CA8: variants seen among roughly 807,000 people sequenced by gnomAD.
CA8 encodes the protein carbonic anhydrase-related protein.
A neutral mutation model predicts 41.4 loss-of-function variants in CA8; 22 were observed. The ratio of observed to expected loss-of-function variants is 0.53; its 90% confidence interval spans 0.38 to 0.76. The LOEUF is 0.76. Among genes scored for constraint, CA8 ranks in the 30% least tolerant of loss-of-function variants. CA8 has a pLI of 0.00. For synonymous variants in CA8, 121 were observed against 130.6 expected, an observed-to-expected ratio of 0.93 and a Z score of 0.50; for missense variants, 270 against 352.8, an observed-to-expected ratio of 0.77 and a Z score of 1.88.
At chr8:60,269,489 A>G (rs1014512358) in intron 2 of CA8, among the ~76,000 whole-genome samples, 8 of 152,220 alleles carry the variant, frequency 5.3e-5, no homozygotes, top group Non-Finnish European at 8.8e-5. Flanking sequence ...ATTTTCTTTA[A>G]TGCTCTTTAA....
chr8:60,215,613 A>G (rs1203628975), intron 7 of CA8, among the ~76,000 whole-genome samples: 1 of 152,206 alleles, frequency 6.6e-6, no homozygotes, highest in African/African-American at 2.4e-5. Flanking sequence ...ATTTTTAAAA[A>G]AGAAATATAT....
chr8:60,197,596 T>C (rs1187128117), intron 8 of CA8, among the ~76,000 whole-genome samples: 1 of 152,184 alleles, frequency 6.6e-6, no homozygotes, highest in Admixed American at 6.5e-5. Context: ...GGAATCTGAA[T>C]GAAACCTGAG....
intron 8 of CA8, among the ~76,000 whole-genome samples, chr8:60,197,041 A>G (rs557742046): frequency 6.6e-6 from 1 of 152,166 alleles, no homozygotes; most frequent in Admixed American, 6.6e-5. Flanking sequence ...GAAGGTGAAA[A>G]GTGTAATCTG....
At chr8:60,269,648 C>T (rs575412966) in intron 2 of CA8, among the ~76,000 whole-genome samples, 1 of 152,240 alleles carries the variant, frequency 6.6e-6, no homozygotes, top group Admixed American at 6.5e-5. Context: ...ACAAATTTAC[C>T]AGATAATTCA....
At chr8:60,206,806 G>T (rs62511577) in intron 8 of CA8, among the ~76,000 whole-genome samples, 6,241 of 152,096 alleles carry the variant, frequency 0.041, 188 homozygotes, top group South Asian at 0.12. Context: ...GTGTGCTTAG[G>T]ATTTCATCCC....
intron 2 of CA8, among the ~76,000 whole-genome samples, chr8:60,276,389 C>T (rs1804237295): frequency 6.6e-6 from 1 of 152,124 alleles, no homozygotes; most frequent in Admixed American, 6.5e-5. Context: ...GGAAGACAAC[C>T]TGATGCACGC....
chr8:60,271,209 T>C (rs1160497434), intron 2 of CA8, among the ~76,000 whole-genome samples: 3 of 151,956 alleles, frequency 2.0e-5, no homozygotes, highest in Non-Finnish European at 4.4e-5. Context: ...CTGGGCATGG[T>C]GGCAGGCCTG....
intron 7 of CA8, among the ~76,000 whole-genome samples, chr8:60,221,833 G>A (rs1370396562): frequency 6.6e-6 from 1 of 152,112 alleles, no homozygotes; most frequent in Non-Finnish European, 1.5e-5. Flanking sequence ...GCTTTACTGA[G>A]AAGTTAGTGA....
intron 8 of CA8, among the ~76,000 whole-genome samples, chr8:60,192,244 A>C (rs1448510987): frequency 6.6e-6 from 1 of 152,102 alleles, no homozygotes; most frequent in East Asian, 1.9e-4. Context: ...ATGGATTTGG[A>C]ATGAGGGAGA....
intron 3 of CA8, among the ~76,000 whole-genome samples, chr8:60,238,543 C>G (rs566442018): frequency 6.6e-6 from 1 of 152,106 alleles, no homozygotes; most frequent in Non-Finnish European, 1.5e-5. Context: ...AGAACTCCCC[C>G]TCCTGCCCCG....
chr8:60,202,089 G>A (rs1440591210), intron 8 of CA8, among the ~76,000 whole-genome samples: 1 of 151,430 alleles, frequency 6.6e-6, no homozygotes, highest in Non-Finnish European at 1.5e-5. Flanking sequence ...TGTCGCCCAG[G>A]TTGGAGTGCA....
chr8:60,235,695 G>T (rs778735032), intron 3 of CA8, among the ~76,000 whole-genome samples: 1 of 152,214 alleles, frequency 6.6e-6, no homozygotes, highest in African/African-American at 2.4e-5. Flanking sequence ...AGGACTAACA[G>T]TACCTTAGTG....
At chr8:60,242,335 A>G (rs1007449358) in intron 3 of CA8, among the ~76,000 whole-genome samples, 4 of 152,142 alleles carry the variant, frequency 2.6e-5, no homozygotes, top group Non-Finnish European at 5.9e-5. Context: ...AAACACCTCA[A>G]TTTAACAAGA....
At chr8:60,196,723 T>C (rs1806291845) in intron 8 of CA8, among the ~76,000 whole-genome samples, 1 of 152,164 alleles carries the variant, frequency 6.6e-6, no homozygotes, top group African/African-American at 2.4e-5. Context: ...CAACCTCTCT[T>C]TCTTTTGCTC....
At chr8:60,205,443 G>C (rs961086146) in intron 8 of CA8, among the ~76,000 whole-genome samples, 1 of 152,092 alleles carries the variant, frequency 6.6e-6, no homozygotes, top group African/African-American at 2.4e-5. Flanking sequence ...GATACCAAAA[G>C]TAACAAGTAA....
intron 7 of CA8, among the ~76,000 whole-genome samples, chr8:60,222,065 C>T (rs567015321): frequency 7.9e-5 from 12 of 152,236 alleles, no homozygotes; most frequent in East Asian, 5.8e-4. Flanking sequence ...ATTCGAGTGG[C>T]GCTGCCTCAT....
At chr8:60,190,353 G>C (rs1449621667) in intron 8 of CA8, among the ~76,000 whole-genome samples, 1 of 148,132 alleles carries the variant, frequency 6.8e-6, no homozygotes, top group Non-Finnish European at 1.5e-5. Flanking sequence ...CAGATGGATG[G>C]TAGCTCAAGA....
intron 3 of CA8, among the ~76,000 whole-genome samples, chr8:60,239,687 C>T (rs922644527): frequency 2.0e-5 from 3 of 152,186 alleles, no homozygotes; most frequent in African/African-American, 7.2e-5. Flanking sequence ...CCACCCAAAT[C>T]TCATCTTGAA....
intron 8 of CA8, among the ~76,000 whole-genome samples, chr8:60,191,029 A>C (rs1481876925): frequency 6.7e-6 from 1 of 150,288 alleles, no homozygotes; most frequent in Non-Finnish European, 1.5e-5. Flanking sequence ...ATGTCTGGAA[A>C]AATTTATTAG....
Sources: gnomAD v4.1 joint callset for allele counts (sites outside exome capture counted in the v4.1 genomes callset) on GRCh38, gnomAD v4.1.1 for gene constraint, MANE v1.5 for transcripts, NCBI Gene and HGNC (gene_info 2026-07-23, HGNC 2026-07-21) for gene names.